TXNRD1: variants seen among roughly 807,000 people sequenced by gnomAD.
TXNRD1 encodes the protein thioredoxin reductase 1.
Under a neutral mutation model 80.3 loss-of-function variants are expected in TXNRD1, and 57 were observed. The ratio of observed to expected loss-of-function variants is 0.71; its 90% CI spans 0.57 to 0.89. The LOEUF (loss-of-function observed/expected upper bound fraction) is 0.89. TXNRD1 is among the 40% of genes least tolerant of loss of function. The probability of loss-of-function intolerance (pLI) is 0.00; values close to 1 mark genes in which losing one functional copy is unlikely to be tolerated. For missense variants in TXNRD1, 730 were observed against 803.0 expected, an observed-to-expected ratio of 0.91 and a Z score of 1.10; for synonymous variants, 291 against 285.2, an observed-to-expected ratio of 1.02 and a Z score of -0.20.
At chr12:104,318,666 AG>A (rs1337725946) in intron 7 of TXNRD1, among the ~76,000 whole-genome samples, 1 of 152,206 alleles carries the variant, frequency 6.6e-6, no homozygotes, top group East Asian at 1.9e-4. Flanking sequence ...AGAAGGAAAA[AG>A]TTTGTGTATT....
intron 15 of TXNRD1, among the ~76,000 whole-genome samples, chr12:104,337,113 A>C (rs192919856): frequency 7.9e-5 from 12 of 152,134 alleles, no homozygotes; most frequent in African/African-American, 2.6e-4. Flanking sequence ...GAGCTCTGCA[A>C]CTTTTTAATA....
intron 4 of TXNRD1, among the ~76,000 whole-genome samples, chr12:104,299,507 G>T (rs2034545651): frequency 6.6e-6 from 1 of 152,006 alleles, no homozygotes; most frequent in African/African-American, 2.4e-5. Context: ...AGTGGCTCAC[G>T]CATGTAATCC....
intron 1 of TXNRD1, among the ~76,000 whole-genome samples, chr12:104,249,194 G>A (rs1486885582): frequency 6.6e-6 from 1 of 152,208 alleles, no homozygotes; most frequent in Non-Finnish European, 1.5e-5. Context: ...CCCACTTCCT[G>A]ATTCTCAGTA....
chr12:104,293,780 G>A (rs1036726290), intron 4 of TXNRD1, among the ~76,000 whole-genome samples: 1 of 152,190 alleles, frequency 6.6e-6, no homozygotes, highest in African/African-American at 2.4e-5. Flanking sequence ...CCGGGGGACC[G>A]CTACCACCAA....
chr12:104,325,313 A>C, intron 10 of TXNRD1, 24 bp from the exon 11 acceptor site: 1 of 1,561,756 alleles, frequency 6.4e-7, no homozygotes, highest in East Asian at 2.2e-5. Flanking sequence ...TTTATTTCAC[A>C]GTAAAACTTT....
chr12:104,247,964 G>A (rs774458901), intron 1 of TXNRD1, among the ~76,000 whole-genome samples: 14 of 152,164 alleles, frequency 9.2e-5, no homozygotes, highest in Admixed American at 6.6e-5. Flanking sequence ...AACACAGTTG[G>A]CCTAGTGACC....
intron 1 of TXNRD1, among the ~76,000 whole-genome samples, chr12:104,217,318 GT>G (rs59546712): frequency 0.78 from 98,335 of 126,110 alleles, 37,212 homozygotes; most frequent in Middle Eastern, 0.92. Flanking sequence ...TAACAATTTT[GT>G]TTTTTTTTTT....
In TXNRD1 at chr12:104,252,658, T is replaced by TATATA. The variant is rs1491493630; in HGVS notation, c.243+980_243+981insATATA. Among the ~76,000 whole-genome samples the TATATA allele has an allele frequency of 4.8e-3, 50 of 10,346 alleles. 1 individual carries two copies. Among genetic ancestry groups the TATATA allele is most frequent in the African/African-American group, 0.012 (32 of 2,650 alleles). 6.8% of individuals were successfully genotyped at this position (10,346 alleles called of 152,430 possible). A position where few individuals can be genotyped will look rare whatever the true frequency, so the allele number is the denominator to read the frequency against. On this transcript the variant is annotated intron_variant, in intron 2 of 16. Transcript: ENST00000525566. ...GGTTCACTGAGAGGTTAATTTATTA[T>TATATA]TTTTTATATATATATATATATATAT...
At chr12:104,229,695 C>T (rs1464594014) in intron 1 of TXNRD1, among the ~76,000 whole-genome samples, 2 of 151,694 alleles carry the variant, frequency 1.3e-5, no homozygotes, top group East Asian at 1.9e-4. Context: ...CGGGTTCAAC[C>T]GATTCTTCTG....
At chr12:104,238,017 A>G (rs1479595475) in intron 1 of TXNRD1, among the ~76,000 whole-genome samples, 1 of 152,178 alleles carries the variant, frequency 6.6e-6, no homozygotes, top group African/African-American at 2.4e-5. Flanking sequence ...TCTCAAAAAA[A>G]AAAGAAAAAA....
intron 3 of TXNRD1, among the ~76,000 whole-genome samples, chr12:104,271,334 C>T (rs1349431906): frequency 1.3e-5 from 2 of 151,954 alleles, no homozygotes; most frequent in South Asian, 2.1e-4. Flanking sequence ...TACAGGTGCC[C>T]GCCACTAATT....
At chr12:104,268,797 G>A (rs373571612) in intron 3 of TXNRD1, among the ~76,000 whole-genome samples, 3 of 151,716 alleles carry the variant, frequency 2.0e-5, no homozygotes, top group South Asian at 2.1e-4. Context: ...GATTACAGTC[G>A]TGAGCCACCG....
chr12:104,326,225 ATATT>A, intron 11 of TXNRD1, 118 bp from the exon 12 acceptor site: 1 of 684,764 alleles, frequency 1.5e-6, no homozygotes, highest in Non-Finnish European at 2.4e-6. Context: ...TCTTACTGAA[ATATT>A]TATTTCCAAG....
chr12:104,239,933 C>T (rs574144466), intron 1 of TXNRD1, among the ~76,000 whole-genome samples: 3 of 152,284 alleles, frequency 2.0e-5, no homozygotes, highest in East Asian at 1.9e-4. Context: ...GGACAAACCC[C>T]ACTAGCTCGT....
At chr12:104,305,165 C>A (rs1208196828) in intron 4 of TXNRD1, 5 of 390,194 alleles carry the variant, frequency 1.3e-5, no homozygotes, top group African/African-American at 8.4e-5. Context: ...TTATTGAATG[C>A]CCTTTAAGAC....
intron 4 of TXNRD1, among the ~76,000 whole-genome samples, chr12:104,297,649 G>A (rs1440009268): frequency 2.6e-5 from 4 of 152,174 alleles, no homozygotes; most frequent in African/African-American, 4.8e-5. Flanking sequence ...ACAGGTGTAA[G>A]CTACCATGCC....
intron 13 of TXNRD1, among the ~76,000 whole-genome samples, chr12:104,328,873 T>G (rs2035859571): frequency 6.6e-6 from 1 of 152,126 alleles, no homozygotes; most frequent in Non-Finnish European, 1.5e-5. Context: ...TTAAAACTCT[T>G]CAGTATGTTT....
intron 3 of TXNRD1, chr12:104,286,918 G>T (rs1254076945): frequency 1.7e-6 from 2 of 1,166,584 alleles, no homozygotes; most frequent in African/African-American, 1.6e-5. Flanking sequence ...GCTGCACGAG[G>T]AGTGGATTTC....
At chr12:104,240,475 C>T (rs1350494629) in intron 1 of TXNRD1, among the ~76,000 whole-genome samples, 35 of 151,902 alleles carry the variant, frequency 2.3e-4, no homozygotes, top group Non-Finnish European at 2.9e-5. Context: ...ACTAAGGTAA[C>T]AATATGAAAA....
Sources: allele counts gnomAD v4.1 joint callset (sites outside exome capture counted in the v4.1 genomes callset), GRCh38; gene constraint gnomAD v4.1.1; transcripts MANE v1.5; gene names NCBI Gene and HGNC (gene_info 2026-07-23, HGNC 2026-07-21).